SLC6A2: variants seen among roughly 807,000 people sequenced by gnomAD.
SLC6A2 encodes the protein sodium-dependent noradrenaline transporter.
In SLC6A2, 26 loss-of-function variants were observed where a neutral mutation model predicts 71.7. The observed-to-expected ratio is 0.36, with a 90% CI of 0.27 to 0.50. The LOEUF is 0.50. SLC6A2 is among the 20% of genes least tolerant of loss of function. SLC6A2 has a pLI of 0.96. For synonymous variants in SLC6A2, 363 were observed against 337.9 expected, an observed-to-expected ratio of 1.07 and a Z score of -0.82; for missense variants, 581 against 803.9, an observed-to-expected ratio of 0.72 and a Z score of 3.35.
chr16:55,663,109 C>A (rs867368331), intron 2 of SLC6A2, among the ~76,000 whole-genome samples: 1 of 152,184 alleles, frequency 6.6e-6, no homozygotes, highest in African/African-American at 2.4e-5. Flanking sequence ...GGGTTCCCCC[C>A]ACCCCTTGCT....
rs1487800995 is a variant in SLC6A2, at chr16:55,657,113, C to CG, written c.274+148dup. Reference sequence around the variant, plus strand: ...CGCAGAAAGAACTGGACAGGGCTAACGGGAAAAAAAAAGATTGGAGTCCTC... The same window carrying CG: ...CGCAGAAAGAACTGGACAGGGCTAACGGGGAAAAAAAAAGATTGGAGTCCTC... On this transcript the variant is annotated intron_variant, in intron 2 of 14. Coordinates refer to ENST00000568943, the MANE Select transcript of SLC6A2 (RefSeq NM_001172501.3). 4.8e-5 allele frequency: 39 copies of CG among 816,720 alleles called. 1 individual carries two copies. In the East Asian group the frequency reaches 7.6e-4, roughly 16 times the overall value. 50.6% of individuals were successfully genotyped at this position (816,720 alleles called of 1,614,324 possible).
At chr16:55,679,946 G>C (rs1965218440) in intron 4 of SLC6A2, among the ~76,000 whole-genome samples, 1 of 152,190 alleles carries the variant, frequency 6.6e-6, no homozygotes, top group Non-Finnish European at 1.5e-5. Flanking sequence ...ACTGTCTTGT[G>C]TATCTGTGAT....
At chr16:55,690,650 G>A (rs1381076433) in intron 5 of SLC6A2, among the ~76,000 whole-genome samples, 1 of 152,136 alleles carries the variant, frequency 6.6e-6, no homozygotes, top group Non-Finnish European at 1.5e-5. Flanking sequence ...GCTACCCATG[G>A]CTGCCTCTGC....
intron 4 of SLC6A2, among the ~76,000 whole-genome samples, chr16:55,678,634 G>A (rs1469910186): frequency 1.9e-4 from 29 of 152,180 alleles, no homozygotes; most frequent in Admixed American, 1.9e-3. Context: ...TGGTGAACAT[G>A]TGCCTGGCAA....
chr16:55,674,799 G>C (rs993734715), intron 4 of SLC6A2, among the ~76,000 whole-genome samples: 6 of 152,286 alleles, frequency 3.9e-5, no homozygotes, highest in African/African-American at 1.4e-4. Context: ...TTTGAGTAGG[G>C]CTGCAATGAA....
chr16:55,691,183 G>A (rs1321340136), intron 5 of SLC6A2, among the ~76,000 whole-genome samples: 2 of 136,958 alleles, frequency 1.5e-5, no homozygotes, highest in African/African-American at 5.4e-5. Context: ...CAAGAAGAGG[G>A]AGGGAGGATG....
intron 9 of SLC6A2, 95 bp from the exon 10 acceptor site, chr16:55,697,802 C>A: frequency 1.5e-6 from 2 of 1,369,956 alleles, no homozygotes; most frequent in South Asian, 1.2e-5. Context: ...CTACATGAGT[C>A]CTGGGCTGCA....
intron 4 of SLC6A2, among the ~76,000 whole-genome samples, chr16:55,681,892 T>C (rs1965283654): frequency 6.6e-6 from 1 of 152,190 alleles, no homozygotes; most frequent in African/African-American, 2.4e-5. Flanking sequence ...TTTAACACTT[T>C]AGTGTAAATT....
rs1251963693 is a variant in SLC6A2, at chr16:55,656,688, C to T, written c.-7C>T. On this transcript the variant is annotated 5_prime_UTR_variant, in exon 2 of 15. Transcript: ENST00000568943. The surrounding 1 kb of genome is among the most constrained non-coding windows in gnomAD (Gnocchi z 4.5). The stretch of plus-strand genomic sequence containing the variant: ...GACCGGTAAAGTTCCTCTCGCCAGC[C>T]GCATCCATGCTTCTGGCGCGGATGA... 6.2e-7 allele frequency: 1 copy of T among 1,611,778 alleles called. No individual in the cohort carries two copies. Among genetic ancestry groups the T allele is most frequent in the African/African-American group, 1.3e-5 (1 of 74,848 alleles).
Position 55,705,923 on chromosome 16 carries a change from T to C in SLC6A2, c.*3577T>C, listed in dbSNP as rs1291987395. 6.6e-6 allele frequency: 1 copy of C among 152,232 alleles called. No individual in the cohort carries two copies. The highest frequency in any genetic ancestry group is 1.5e-5 in the Non-Finnish European group (1 of 68,046). 9.4% of individuals were successfully genotyped at this position (152,232 alleles called of 1,614,324 possible). A position where few individuals can be genotyped will look rare whatever the true frequency, so the allele number is the denominator to read the frequency against. On this transcript the variant is annotated 3_prime_UTR_variant, in exon 15 of 15. Transcript: ENST00000568943. ...GGCTTTGGAGGGTAACACATTTTCA[T>C]ACCCTGTGAGTCCCAGGATCCACAG... is the stretch of plus-strand genomic sequence containing the variant.
intron 6 of SLC6A2, among the ~76,000 whole-genome samples, chr16:55,692,861 G>C (rs566112450): frequency 6.6e-6 from 1 of 152,146 alleles, no homozygotes; most frequent in African/African-American, 2.4e-5. Flanking sequence ...GTTATAGACC[G>C]GTAACCAAGA....
At chr16:55,671,748 C>T (rs189753814) in intron 3 of SLC6A2, 190 bp from the exon 4 acceptor site, 1 of 1,268,578 alleles carries the variant, frequency 7.9e-7, no homozygotes, top group African/African-American at 1.5e-5. Context: ...AAACTACCCC[C>T]ACCCCAAAAT....
chr16:55,665,508 G>C (rs1964724995), intron 2 of SLC6A2, among the ~76,000 whole-genome samples: 2 of 152,144 alleles, frequency 1.3e-5, no homozygotes, highest in South Asian at 4.1e-4. Context: ...GGCACTTCTT[G>C]CATATATCAA....
chr16:55,671,037 G>T (rs117514422), intron 3 of SLC6A2, among the ~76,000 whole-genome samples: 4,045 of 152,360 alleles, frequency 0.027, 72 homozygotes, highest in Middle Eastern at 0.045. Flanking sequence ...GCAGGTGGCT[G>T]AGAGTAGGAC....
chr16:55,678,234 G>A (rs1425295257), intron 4 of SLC6A2, among the ~76,000 whole-genome samples: 2 of 152,064 alleles, frequency 1.3e-5, no homozygotes, highest in Non-Finnish European at 2.9e-5. Flanking sequence ...TTCTTCTCAC[G>A]CCGCCCTTGC....
intron 3 of SLC6A2, among the ~76,000 whole-genome samples, chr16:55,670,441 T>C (rs1964874653): frequency 6.6e-6 from 1 of 152,202 alleles, no homozygotes; most frequent in South Asian, 2.1e-4. Context: ...TGTCAGAAAT[T>C]CAACTCAAAC....
rs1388687758 is a variant in SLC6A2, at chr16:55,698,519, C to T, written c.1440C>T (p.Ser480=). The change falls in exon 11 of 15, where the codon TCC becomes TCT. Residue 480 remains serine, a synonymous_variant. Coordinates refer to ENST00000568943, the MANE Select transcript of SLC6A2 (RefSeq NM_001172501.3). The part of the protein sequence containing the change: ...TLLDTFAAGT[S]ILFAVLMEAI... ...TGGACACCTTTGCTGCGGGCACCTCCATCCTTTTTGCTGTCCTCATGGAAG... is the reference window on the plus strand; with the variant it reads ...TGGACACCTTTGCTGCGGGCACCTCTATCCTTTTTGCTGTCCTCATGGAAG... The T allele has an allele frequency of 6.2e-7, 1 of 1,614,140 alleles. No individual in the cohort carries two copies. Among genetic ancestry groups the T allele is most frequent in the Non-Finnish European group, 8.5e-7 (1 of 1,179,978 alleles).
At chr16:55,687,164 T>C (rs1486905554) in intron 5 of SLC6A2, among the ~76,000 whole-genome samples, 1 of 152 alleles carries the variant, frequency 6.6e-3, no homozygotes, top group Admixed American at 0.1. Context: ...TCACAAACTA[T>C]GTGCACTATT....
At chr16:55,677,509 C>T (rs1965128894) in intron 4 of SLC6A2, among the ~76,000 whole-genome samples, 2 of 152,098 alleles carry the variant, frequency 1.3e-5, no homozygotes, top group Non-Finnish European at 2.9e-5. Context: ...GACACCCAGC[C>T]AGAGGGAGAG....
Sources: allele counts gnomAD v4.1 joint callset (sites outside exome capture counted in the v4.1 genomes callset), GRCh38; gene constraint gnomAD v4.1.1; non-coding constraint Gnocchi (gnomAD v3.1); transcripts MANE v1.5; gene names NCBI Gene and HGNC (gene_info 2026-07-23, HGNC 2026-07-21).